The following LRRC2 variants were observed in gnomAD, a reference collection of about 807,000 sequenced individuals.
LRRC2 encodes leucine rich repeat containing 2.
In LRRC2, 27 loss-of-function variants were observed where a neutral mutation model predicts 40.2. The observed-to-expected ratio is 0.67, with a 90% confidence interval of 0.49 to 0.93. LRRC2 has a LOEUF of 0.93. LRRC2 is among the 40% of genes least tolerant of loss of function. The pLI, the probability that LRRC2 is intolerant of heterozygous loss-of-function variation, is 0.00. For missense variants in LRRC2, 402 were observed against 439.6 expected (o/e 0.91, Z 0.76); for synonymous variants, 147 against 158.9 (o/e 0.92, Z 0.56).
In LRRC2 at chr3:46,529,910, T is replaced by C. The variant is rs761011173; in HGVS notation, c.768A>G (p.Ile256Met). The C allele has an allele frequency of 2.5e-6, 4 of 1,613,988 alleles. No homozygotes were observed. Among genetic ancestry groups the C allele is most frequent in the Non-Finnish European group, 3.4e-6 (4 of 1,179,994 alleles). Residue 256 changes from isoleucine to methionine, a missense_variant, in exon 6 of 9, where the codon ATA (isoleucine) becomes ATG (methionine). Transcript: ENST00000395905. The part of the protein sequence containing the change: ...SNNLTDLPQD[I>M]DRLEELQSFL... ...CTTAGAATGCAAGTAGCTACCTGTC[T>C]ATATCTTGCGGCAGGTCGGTCAGGT...
chr3:46,535,127 A>G (rs564857588), intron 4 of LRRC2, among the ~76,000 whole-genome samples: 5 of 152,378 alleles, frequency 3.3e-5, no homozygotes, highest in East Asian at 1.9e-4. Flanking sequence ...CTCCATGTTA[A>G]TAACTCAGAG....
At chr3:46,564,356 A>T (rs922073329) in intron 1 of LRRC2, among the ~76,000 whole-genome samples, 1 of 112,200 alleles carries the variant, frequency 8.9e-6, no homozygotes, top group Non-Finnish European at 1.9e-5. Context: ...AGAGGGCATG[A>T]CTGGAAAAAC....
At chr3:46,551,360 AG>A in intron 2 of LRRC2, 106 bp downstream of exon 2, 2 of 1,388,096 alleles carry the variant, frequency 1.4e-6, no homozygotes, top group Non-Finnish European at 2.0e-6. Flanking sequence ...TTTTACCAAC[AG>A]TGAGAAATCC....
In LRRC2 at chr3:46,519,026, G is replaced by A. The variant is rs757788943; in HGVS notation, c.1104C>T (p.Ser368=). 1.9e-6 allele frequency: 3 copies of A among 1,607,754 alleles called. No homozygotes were observed. The highest frequency in any genetic ancestry group is 2.6e-6 in the Non-Finnish European group (3 of 1,174,554). ...VPSYTTKVSF[S]LQL Reference sequence around the variant, plus strand: ...CTTCTGATGGATATCAAAGTTGAAGGCTAAAAGACACTTTGGTGGTATAGC... The same window carrying A: ...CTTCTGATGGATATCAAAGTTGAAGACTAAAAGACACTTTGGTGGTATAGC... Residue 368 remains serine, a synonymous_variant, in exon 9 of 9, where the codon AGC becomes AGT. Transcript: ENST00000395905.
chr3:46,547,472 C>A (rs1181816402), intron 2 of LRRC2, among the ~76,000 whole-genome samples: 2 of 151,662 alleles, frequency 1.3e-5, no homozygotes, highest in Non-Finnish European at 2.9e-5. Context: ...CAAAGTGAGA[C>A]CCCTGTCTCT....
intron 1 of LRRC2, among the ~76,000 whole-genome samples, chr3:46,553,669 G>T (rs915024507): frequency 6.6e-6 from 1 of 152,044 alleles, no homozygotes; most frequent in Non-Finnish European, 1.5e-5. Context: ...TTAATTTTTT[G>T]TGGAAGCGGG....
In LRRC2 at chr3:46,533,702, T is replaced by TTTCCTTCCTTCCTTCC. The variant is rs372699647; in HGVS notation, c.491-809_491-794dup. Reference sequence around the variant, plus strand: ...AGAATGTTTGTATAGGTATTCACAGTTTCCTTCCTTCCTTCCTTCCTTCCT... The same window carrying TTTCCTTCCTTCCTTCC: ...AGAATGTTTGTATAGGTATTCACAGTTTCCTTCCTTCCTTCCTTCCTTCCTTCCTTCCTTCCTTCCT... On this transcript the variant is annotated intron_variant, in intron 4 of 8. Transcript: ENST00000395905. Among the ~76,000 whole-genome samples the TTTCCTTCCTTCCTTCC allele has an allele frequency of 4.7e-4, 42 of 89,472 alleles. 1 individual carries two copies. Among genetic ancestry groups the TTTCCTTCCTTCCTTCC allele is most frequent in the East Asian group, 1.8e-3 (6 of 3,260 alleles). 58.7% of individuals were successfully genotyped at this position (89,472 alleles called of 152,430 possible). A position where few individuals can be genotyped will look rare whatever the true frequency, so the allele number is the denominator to read the frequency against.
At chr3:46,561,099 A>AC (rs1291784628) in intron 1 of LRRC2, among the ~76,000 whole-genome samples, 4 of 152,142 alleles carry the variant, frequency 2.6e-5, no homozygotes, top group Admixed American at 2.0e-4. Context: ...ACAAAGGAGA[A>AC]CCCTCTGGCG....
At chr3:46,539,922 G>T (rs1704348436) in intron 3 of LRRC2, among the ~76,000 whole-genome samples, 1 of 152,046 alleles carries the variant, frequency 6.6e-6, no homozygotes, top group African/African-American at 2.4e-5. Flanking sequence ...CCCATTGCAG[G>T]TGAGGGGTGC....
At chr3:46,555,001 C>T (rs1704759159) in intron 1 of LRRC2, among the ~76,000 whole-genome samples, 1 of 152,174 alleles carries the variant, frequency 6.6e-6, no homozygotes, top group Admixed American at 6.5e-5. Flanking sequence ...TGATGTTGAG[C>T]ATATTTTCAT....
chr3:46,526,014 G>A lies in LRRC2; in HGVS notation c.929+1412C>T, dbSNP rs528921638. ...TGTCGCCAGGCTGTAGTGCAGTGGC[G>A]CAACCTCGGCTTATTGCAAATTCCG... On this transcript the variant is annotated intron_variant, in intron 7 of 8. Transcript: ENST00000395905. Among the ~76,000 whole-genome samples the A allele has an allele frequency of 2.1e-4, 31 of 151,102 alleles. No individual in the cohort carries two copies. In the South Asian group the frequency reaches 2.1e-3, roughly 10 times the overall value.
rs148660546 is a variant in LRRC2, at chr3:46,529,974, C to T, written c.704G>A (p.Arg235Gln). The change falls in exon 6 of 9, where the codon CGG (arginine) becomes CAG (glutamine). Residue 235 changes from arginine to glutamine, a missense_variant. Transcript: ENST00000395905. ...ATCCAACCACTGCAAATTCGACATC[C>T]GCAGGACACAGATTGGGACACTGGA... Reference protein sequence around the residue: ...KFSSVPICVLRMSNLQWLDIS... With the variant: ...KFSSVPICVLQMSNLQWLDIS... 49 of 1,613,936 alleles carry T rather than the reference C, an allele frequency of 3.0e-5. No homozygotes were observed. The highest frequency in any genetic ancestry group is 9.3e-5 in the African/African-American group (7 of 74,910).
Position 46,539,165 on chromosome 3 carries a change from T to C in LRRC2, c.370A>G (p.Arg124Gly). 5.6e-6 allele frequency: 9 copies of C among 1,613,992 alleles called. No individual in the cohort carries two copies. Among genetic ancestry groups the C allele is most frequent in the Non-Finnish European group, 7.6e-6 (9 of 1,179,960 alleles). Residue 124 changes from arginine to glycine, a missense_variant, in exon 4 of 9, where the codon AGA (arginine) becomes GGA (glycine). Coordinates refer to ENST00000395905, the MANE Select transcript of LRRC2 (RefSeq NM_024512.5). ...AAGGTATTGCTTATGTACCATTCTC[T>C]CAGGTGTGTCTGCTCCTTCAATGAA... ...PDSLKEQTHLREWYISNTLIQ... is the reference protein window; with the variant it reads ...PDSLKEQTHLGEWYISNTLIQ...
chr3:46,533,748 T>TC (rs57130565), intron 4 of LRRC2, among the ~76,000 whole-genome samples: 30,343 of 116,092 alleles, frequency 0.26, 3,543 homozygotes, highest in Middle Eastern at 0.36. Context: ...CTTCCTTCCT[T>TC]CTTCCTTCCC....
chr3:46,538,960 G>A (rs1451535008), intron 4 of LRRC2, 85 bp downstream of exon 4: 14 of 1,379,824 alleles, frequency 1.0e-5, no homozygotes, highest in South Asian at 2.8e-5. Context: ...GAGGAAACAC[G>A]GTGTCTGCAC....
At chr3:46,558,185 A>T (rs1704853439) in intron 1 of LRRC2, 1 of 152,312 alleles carries the variant, frequency 6.6e-6, no homozygotes, top group Non-Finnish European at 1.5e-5. Flanking sequence ...AAAAAAAGGC[A>T]GGAAGCCTCT....
chr3:46,527,725 T>C, intron 6 of LRRC2, 144 bp from the exon 7 acceptor site: 1 of 709,804 alleles, frequency 1.4e-6, no homozygotes, highest in Non-Finnish European at 2.3e-6. Context: ...ATTCTAAGTT[T>C]TGTTCTTCGT....
At chr3:46,537,003 A>G (rs890228538) in intron 4 of LRRC2, among the ~76,000 whole-genome samples, 3 of 152,158 alleles carry the variant, frequency 2.0e-5, no homozygotes, top group East Asian at 1.9e-4. Flanking sequence ...TACCCCATCT[A>G]TCTTGCTGCC....
At chr3:46,547,513 G>A (rs927415606) in intron 2 of LRRC2, among the ~76,000 whole-genome samples, 1 of 151,762 alleles carries the variant, frequency 6.6e-6, no homozygotes, top group Non-Finnish European at 1.5e-5. Flanking sequence ...AAAAGAAAGC[G>A]GGGCTGGTGG....
Sources: gnomAD v4.1 joint callset for allele counts (sites outside exome capture counted in the v4.1 genomes callset) on GRCh38, gnomAD v4.1.1 for gene constraint, MANE v1.5 for transcripts, NCBI Gene and HGNC (gene_info 2026-07-23, HGNC 2026-07-21) for gene names.